Variants in IARS1 observed in about 807,000 individuals in gnomAD.
The protein encoded by IARS1 is isoleucyl-tRNA synthetase 1.
A neutral mutation model predicts 168.2 loss-of-function variants in IARS1; 124 were observed. That is an observed-to-expected ratio of 0.74 (90% CI 0.64 to 0.86). The LOEUF (loss-of-function observed/expected upper bound fraction) is 0.86. Ranked by LOEUF, IARS1 falls within the 40% of genes least tolerant of loss-of-function variation. The probability of loss-of-function intolerance (pLI) is 0.00; values close to 1 mark genes in which losing one functional copy is unlikely to be tolerated. For missense variants in IARS1, 1,452 were observed against 1,515.8 expected, an observed-to-expected ratio of 0.96 and a Z score of 0.70; for synonymous variants, 532 against 529.4, an observed-to-expected ratio of 1.00 and a Z score of -0.07.
At chr9:92,233,694 G>A (rs1028134836) in intron 30 of IARS1, among the ~76,000 whole-genome samples, 3 of 152,122 alleles carry the variant, frequency 2.0e-5, no homozygotes, top group African/African-American at 7.2e-5. Flanking sequence ...CTTAGATTTT[G>A]TCTGATTTTT....
chr9:92,214,918 C>G (rs1427045965), intron 33 of IARS1, among the ~76,000 whole-genome samples: 1 of 152,264 alleles, frequency 6.6e-6, no homozygotes, highest in Non-Finnish European at 1.5e-5. Flanking sequence ...GTGGAGCCCA[C>G]CACAGCTCAA....
At chr9:92,224,407 G>C (rs1288001278) in intron 31 of IARS1, among the ~76,000 whole-genome samples, 1 of 152,150 alleles carries the variant, frequency 6.6e-6, no homozygotes, top group African/African-American at 2.4e-5. Flanking sequence ...CTGATTCATG[G>C]ACACTGGCCA....
chr9:92,225,285 G>A (rs371101308), intron 31 of IARS1, among the ~76,000 whole-genome samples: 1 of 152,136 alleles, frequency 6.6e-6, no homozygotes, highest in Non-Finnish European at 1.5e-5. Context: ...ACATAGCATC[G>A]CTTGACCAGA....
intron 32 of IARS1, 22 bp from the exon 33 acceptor site, chr9:92,222,694 G>C (rs1377281964): frequency 6.2e-7 from 1 of 1,612,204 alleles, no homozygotes; most frequent in Non-Finnish European, 8.5e-7. Context: ...AGAACAAACT[G>C]GATTAAATCT....
Position 92,227,985 on chromosome 9 carries a change from G to A in IARS1, c.3409+1016C>T, listed in dbSNP as rs577395839. On this transcript the variant is annotated intron_variant, in intron 31 of 33. Transcript: ENST00000443024. ...GGCACTTTGGGAGGCCAAGGCAGGC[G>A]GCTGGGAGATGGAGGTTGTAGCGAG... Among the ~76,000 whole-genome samples, 48 of 152,314 alleles carry A rather than the reference G, an allele frequency of 3.2e-4. 1 individual carries two copies. The Middle Eastern group carries it at 0.017, about 54-fold the overall frequency.
At chr9:92,219,129 A>G (rs1049533889) in intron 33 of IARS1, among the ~76,000 whole-genome samples, 1 of 152,192 alleles carries the variant, frequency 6.6e-6, no homozygotes, top group Non-Finnish European at 1.5e-5. Context: ...CGTATCTACA[A>G]CTATCTGATC....
At chr9:92,272,414 T>C (rs1478320951) in intron 10 of IARS1, among the ~76,000 whole-genome samples, 2 of 152,178 alleles carry the variant, frequency 1.3e-5, no homozygotes, top group Non-Finnish European at 2.9e-5. Context: ...CTTTACCCAG[T>C]GCATTAAGCT....
At chr9:92,240,562 T>C in intron 30 of IARS1, 8 of 353,088 alleles carry the variant, frequency 2.3e-5, no homozygotes, top group Non-Finnish European at 1.1e-5. Flanking sequence ...GCCTGGCCCT[T>C]TTTTTTTTTT....
At chr9:92,282,831 T>TACACAC (rs199686901) in intron 6 of IARS1, among the ~76,000 whole-genome samples, 1 of 144,878 alleles carries the variant, frequency 6.9e-6, no homozygotes, top group African/African-American at 2.6e-5. Flanking sequence ...CATATATACA[T>TACACAC]ACACACACAT....
intron 10 of IARS1, among the ~76,000 whole-genome samples, chr9:92,273,132 C>CA (rs532773984): frequency 0.064 from 4,086 of 63,628 alleles, 193 homozygotes; most frequent in African/African-American, 0.17. Context: ...ACTCCCATCT[C>CA]AAAAAAAAAA....
chr9:92,293,126 T>C (rs910287011), intron 1 of IARS1, among the ~76,000 whole-genome samples: 1 of 152,228 alleles, frequency 6.6e-6, no homozygotes, highest in Non-Finnish European at 1.5e-5. Context: ...AGTGGGACCG[T>C]CTCAAACGTT....
chr9:92,247,180 C>T (rs138995108), intron 26 of IARS1, among the ~76,000 whole-genome samples, 197 bp downstream of exon 26: 78 of 150,700 alleles, frequency 5.2e-4, no homozygotes, highest in African/African-American at 1.8e-3. Context: ...GATGACAGAG[C>T]GAGATTCTGT....
intron 14 of IARS1, among the ~76,000 whole-genome samples, chr9:92,266,533 T>C (rs1832308034): frequency 6.6e-6 from 1 of 152,224 alleles, no homozygotes; most frequent in African/African-American, 2.4e-5. Context: ...AGTTTTCATA[T>C]GGTTTGTCCC....
At chr9:92,257,734 T>C (rs1270512369) in intron 19 of IARS1, among the ~76,000 whole-genome samples, 1 of 152,226 alleles carries the variant, frequency 6.6e-6, no homozygotes, top group African/African-American at 2.4e-5. Context: ...GAGTTCATTT[T>C]TCCAACCAGC....
chr9:92,240,725 G>C (rs747861580), intron 30 of IARS1, 131 bp downstream of exon 30: 2 of 722,204 alleles, frequency 2.8e-6, no homozygotes, highest in Non-Finnish European at 5.1e-6. Context: ...AGAAGAAAAA[G>C]TTATCTATTA....
At chr9:92,246,172 A>G (rs990485111) in intron 26 of IARS1, among the ~76,000 whole-genome samples, 1 of 152,164 alleles carries the variant, frequency 6.6e-6, no homozygotes, top group African/African-American at 2.4e-5. Context: ...TTTTGAGTTG[A>G]TTAGTAATTA....
rs1830312422 is a variant in IARS1 at position 92,253,602 on chromosome 9, A to G, written c.2138-149T>C. ...AAAAGAACCAAAATGAATCAATCACATAATGACTGTTTGTTGAGGATGTGC... is the reference window on the plus strand; with the variant it reads ...AAAAGAACCAAAATGAATCAATCACGTAATGACTGTTTGTTGAGGATGTGC... On this transcript the variant is annotated intron_variant, in intron 20 of 33. Transcript: ENST00000443024. 7 of 629,704 alleles carry G rather than the reference A, an allele frequency of 1.1e-5. No individual in the cohort carries two copies. In the East Asian group the frequency reaches 1.4e-4, roughly 12 times the overall value. 39.0% of individuals were successfully genotyped at this position (629,704 alleles called of 1,614,324 possible).
chr9:92,218,159 G>A lies in IARS1; in HGVS notation c.3706+4361C>T, dbSNP rs1337718787. On this transcript the variant is annotated intron_variant, in intron 33 of 33. Coordinates refer to ENST00000443024, the MANE Select transcript of IARS1 (RefSeq NM_002161.6). ...AAATGTAATCCAGCATATAAACAGA[G>A]CCAAAGACAAAAACCACATGATTAT... Among the ~76,000 whole-genome samples, 9 of 151,282 alleles carry A rather than the reference G, an allele frequency of 5.9e-5. No homozygotes were observed. The South Asian group carries it at 8.4e-4, about 14-fold the overall frequency.
intron 27 of IARS1, among the ~76,000 whole-genome samples, chr9:92,244,352 A>T (rs1306244921): frequency 2.0e-5 from 3 of 152,090 alleles, no homozygotes; most frequent in Non-Finnish European, 4.4e-5. Context: ...CCTTTCATGG[A>T]GGTGCTGCTC....
Sources: allele counts gnomAD v4.1 joint callset (sites outside exome capture counted in the v4.1 genomes callset), GRCh38; gene constraint gnomAD v4.1.1; transcripts MANE v1.5; gene names NCBI Gene and HGNC (gene_info 2026-07-23, HGNC 2026-07-21).